The following WWOX variants were observed in gnomAD, a reference collection of about 807,000 sequenced individuals.
WWOX encodes the protein WW domain containing oxidoreductase.
Under a neutral mutation model 46.2 loss-of-function variants are expected in WWOX, and 69 were observed. The observed-to-expected ratio is 1.49, with a 90% CI of 1.23 to 1.82. The LOEUF is 1.82. Ranked by LOEUF, WWOX falls within the 40% of genes most tolerant of loss-of-function variation. WWOX has a pLI of 0.00. For synonymous variants in WWOX, 359 were observed against 202.6 expected (o/e 1.77, Z -6.56); for missense variants, 919 against 542.6 (o/e 1.69, Z -6.89).
chr16:79,092,268 A>G (rs770476081), intron 8 of WWOX, among the ~76,000 whole-genome samples: 1 of 152,212 alleles, frequency 6.6e-6, no homozygotes, highest in Admixed American at 6.5e-5. Context: ...GGCTTTAACA[A>G]TATTAAAACC....
intron 8 of WWOX, among the ~76,000 whole-genome samples, chr16:79,107,678 C>A (rs1003714482): frequency 9.2e-5 from 14 of 152,294 alleles, no homozygotes; most frequent in African/African-American, 3.1e-4. Flanking sequence ...TTTCATGTCA[C>A]ATTTAAAAAT....
At chr16:78,645,880 T>C (rs2046827916) in intron 8 of WWOX, among the ~76,000 whole-genome samples, 1 of 152,294 alleles carries the variant, frequency 6.6e-6, no homozygotes, top group Admixed American at 6.5e-5. Context: ...TCTGACTTTT[T>C]CGATTTCTGG....
intron 8 of WWOX, among the ~76,000 whole-genome samples, chr16:78,831,528 T>G (rs1039455820): frequency 6.6e-6 from 1 of 152,192 alleles, no homozygotes; most frequent in Non-Finnish European, 1.5e-5. Context: ...CCGGTGCCCA[T>G]GCCCGGGTGC....
intron 8 of WWOX, among the ~76,000 whole-genome samples, chr16:78,907,999 A>G (rs1311349675): frequency 6.6e-6 from 1 of 152,158 alleles, no homozygotes; most frequent in Non-Finnish European, 1.5e-5. Context: ...AGGAATTTCG[A>G]GTTTATCTCA....
In WWOX at chr16:78,495,510, CTTT is replaced by C. The variant is rs67618109; in HGVS notation, c.1056+62771_1056+62773del. On this transcript the variant is annotated intron_variant, in intron 8 of 8. Coordinates refer to ENST00000566780, the MANE Select transcript of WWOX (RefSeq NM_016373.4). ...TGGCTAGGAAGTCATAGAAAATGGT[CTTT>C]TTTTTTTTTTTTGGAGATGGAGTCT... Among the ~76,000 whole-genome samples the C allele has an allele frequency of 3.9e-3, 164 of 42,504 alleles. 1 individual carries two copies. Among genetic ancestry groups the C allele is most frequent in the Admixed American group, 6.0e-3 (17 of 2,846 alleles). 27.9% of individuals were successfully genotyped at this position (42,504 alleles called of 152,430 possible). A position where few individuals can be genotyped will look rare whatever the true frequency, so the allele number is the denominator to read the frequency against.
intron 8 of WWOX, among the ~76,000 whole-genome samples, chr16:78,970,257 C>T (rs1364055080): frequency 3.9e-5 from 6 of 152,190 alleles, no homozygotes; most frequent in Non-Finnish European, 8.8e-5. Flanking sequence ...GTTAGAGACT[C>T]AGATTTATCC....
intron 5 of WWOX, among the ~76,000 whole-genome samples, chr16:78,186,769 G>T (rs767292122): frequency 3.9e-5 from 6 of 152,108 alleles, no homozygotes; most frequent in Non-Finnish European, 7.4e-5. Flanking sequence ...TGTCTCAAAA[G>T]AAAAATAAAT....
At chr16:78,508,010 G>T (rs1294482548) in intron 8 of WWOX, among the ~76,000 whole-genome samples, 2 of 151,672 alleles carry the variant, frequency 1.3e-5, no homozygotes, top group South Asian at 4.2e-4. Context: ...GTGTGTGTGT[G>T]TGTGTGTGTG....
At chr16:78,388,196 A>T (rs992309385) in intron 6 of WWOX, among the ~76,000 whole-genome samples, 2 of 152,112 alleles carry the variant, frequency 1.3e-5, no homozygotes, top group Non-Finnish European at 2.9e-5. Flanking sequence ...ATGGCCTGCT[A>T]ATTTTTGTAT....
chr16:79,099,590 T>TTG (rs1555527461), intron 8 of WWOX, among the ~76,000 whole-genome samples: 1 of 136,106 alleles, frequency 7.3e-6, no homozygotes, highest in Non-Finnish European at 1.6e-5. Flanking sequence ...GTGTGTGTGT[T>TTG]TGTGAGAGAG....
intron 8 of WWOX, among the ~76,000 whole-genome samples, chr16:78,485,972 C>G (rs970127663): frequency 2.0e-5 from 3 of 152,186 alleles, no homozygotes; most frequent in Non-Finnish European, 4.4e-5. Flanking sequence ...TTAAATGACT[C>G]TGTTACCTAG....
chr16:78,571,168 G>A (rs917109958), intron 8 of WWOX, among the ~76,000 whole-genome samples: 4 of 152,156 alleles, frequency 2.6e-5, no homozygotes, highest in African/African-American at 9.7e-5. Flanking sequence ...GGAAGAAAGG[G>A]GCAGTGATGA....
intron 8 of WWOX, among the ~76,000 whole-genome samples, chr16:78,979,989 G>A (rs541385301): frequency 6.6e-6 from 1 of 152,126 alleles, no homozygotes; most frequent in Non-Finnish European, 1.5e-5. Flanking sequence ...TTAGCTGGGT[G>A]TGTTGGTGGG....
chr16:78,396,449 C>A (rs965280126), intron 6 of WWOX, among the ~76,000 whole-genome samples: 1 of 152,200 alleles, frequency 6.6e-6, no homozygotes, highest in Non-Finnish European at 1.5e-5. Flanking sequence ...TTAACTATCA[C>A]TATCATCTTT....
At chr16:78,285,784 C>T (rs923076021) in intron 5 of WWOX, among the ~76,000 whole-genome samples, 3 of 152,156 alleles carry the variant, frequency 2.0e-5, no homozygotes, top group African/African-American at 4.8e-5. Flanking sequence ...AAGAGCCCTT[C>T]CCTTTCTCTT....
chr16:78,691,114 G>C (rs1286095695), intron 8 of WWOX: 2 of 631,596 alleles, frequency 3.2e-6, no homozygotes, highest in East Asian at 2.7e-5. Context: ...TTGAATACCA[G>C]TCGTTATTGC....
At chr16:78,424,766 G>C in intron 6 of WWOX, 104 bp from the exon 7 acceptor site, 1 of 1,266,232 alleles carries the variant, frequency 7.9e-7, no homozygotes, top group Non-Finnish European at 1.2e-6. Flanking sequence ...GATTATCCTT[G>C]GTTGTAGTGT....
At chr16:78,213,348 T>C (rs2036620346) in intron 5 of WWOX, among the ~76,000 whole-genome samples, 1 of 150,066 alleles carries the variant, frequency 6.7e-6, no homozygotes, top group African/African-American at 2.5e-5. Context: ...TAAGGGAGCA[T>C]GGGGGATTAG....
chr16:78,472,811 A>C, intron 8 of WWOX, among the ~76,000 whole-genome samples: 1 of 97,608 alleles, frequency 1.0e-5, no homozygotes, highest in South Asian at 4.0e-4. Context: ...CTCCATCTCA[A>C]AAAAAAAAAA....
Sources: gnomAD v4.1 joint callset for allele counts (sites outside exome capture counted in the v4.1 genomes callset) on GRCh38, gnomAD v4.1.1 for gene constraint, MANE v1.5 for transcripts, NCBI Gene and HGNC (gene_info 2026-07-23, HGNC 2026-07-21) for gene names.